The following PLCL1 variants were observed in gnomAD, a reference collection of about 807,000 sequenced individuals.
PLCL1 encodes the protein inactive phospholipase C-like protein 1.
PLCL1 carries 41 observed loss-of-function variants against 84.4 expected under a neutral mutation model. The observed-to-expected ratio is 0.49, with a 90% CI of 0.38 to 0.63. PLCL1 has a LOEUF of 0.63. Ranked by LOEUF, PLCL1 falls within the 30% of genes least tolerant of loss-of-function variation. The probability of loss-of-function intolerance (pLI) is 0.00; values close to 1 mark genes in which losing one functional copy is unlikely to be tolerated. For missense variants in PLCL1, 1,206 were observed against 1,367.8 expected (o/e 0.88, Z 1.87); for synonymous variants, 490 against 488.3 (o/e 1.00, Z -0.05).
intron 1 of PLCL1, among the ~76,000 whole-genome samples, chr2:198,007,188 A>G (rs1253443329): frequency 6.6e-6 from 1 of 152,238 alleles, no homozygotes; most frequent in Non-Finnish European, 1.5e-5. Context: ...AAGAAGCTAT[A>G]ATATGCACAA....
intron 1 of PLCL1, among the ~76,000 whole-genome samples, chr2:198,077,357 A>T (rs987358544): frequency 2.0e-5 from 3 of 151,850 alleles, no homozygotes; most frequent in African/African-American, 7.2e-5. Flanking sequence ...TAATAATTTA[A>T]AAAAAAAGGA....
chr2:198,091,271 A>G (rs1017465732), intron 3 of PLCL1, among the ~76,000 whole-genome samples: 1 of 152,096 alleles, frequency 6.6e-6, no homozygotes, highest in Non-Finnish European at 1.5e-5. Flanking sequence ...TTAAAACACC[A>G]TTTTTACTTT....
At chr2:197,842,623 C>T (rs1440456314) in intron 1 of PLCL1, among the ~76,000 whole-genome samples, 1 of 152,082 alleles carries the variant, frequency 6.6e-6, no homozygotes, top group Non-Finnish European at 1.5e-5. Flanking sequence ...TCTTACTGAA[C>T]CTGTACTTAA....
At chr2:198,120,181 A>C (rs2105926975) in intron 5 of PLCL1, among the ~76,000 whole-genome samples, 1 of 152,072 alleles carries the variant, frequency 6.6e-6, no homozygotes, top group East Asian at 1.9e-4. Flanking sequence ...TACTCTTAAA[A>C]AAAATAATTT....
chr2:198,060,972 C>T (rs1692183484), intron 1 of PLCL1, among the ~76,000 whole-genome samples: 1 of 152,080 alleles, frequency 6.6e-6, no homozygotes, highest in East Asian at 1.9e-4. Context: ...CCTAATAAGC[C>T]AGCAACTCTA....
intron 1 of PLCL1, among the ~76,000 whole-genome samples, chr2:197,927,683 G>A (rs911767117): frequency 2.6e-5 from 4 of 152,152 alleles, no homozygotes; most frequent in African/African-American, 9.7e-5. Flanking sequence ...CACTTGAAAG[G>A]ACTACTTGGG....
At chr2:198,105,541 T>C (rs749064442) in intron 5 of PLCL1, among the ~76,000 whole-genome samples, 7 of 151,684 alleles carry the variant, frequency 4.6e-5, no homozygotes, top group Non-Finnish European at 7.4e-5. Flanking sequence ...TTTGCCTTAA[T>C]AAGGCAATGA....
chr2:197,873,808 A>G (rs542438601), intron 1 of PLCL1, among the ~76,000 whole-genome samples: 33 of 152,300 alleles, frequency 2.2e-4, no homozygotes, highest in African/African-American at 7.7e-4. Flanking sequence ...GATTTTTGGC[A>G]CACCACAATC....
At chr2:197,903,180 A>G (rs771781321) in intron 1 of PLCL1, among the ~76,000 whole-genome samples, 3 of 152,196 alleles carry the variant, frequency 2.0e-5, no homozygotes, top group Non-Finnish European at 4.4e-5. Context: ...TAAGGATCAT[A>G]TAATAAATGT....
chr2:197,863,231 A>G (rs1039555260), intron 1 of PLCL1, among the ~76,000 whole-genome samples: 12 of 150,706 alleles, frequency 8.0e-5, no homozygotes, highest in African/African-American at 2.9e-4. Flanking sequence ...TTCTGATTTT[A>G]CAGATGGAAG....
chr2:198,112,407 T>C (rs954649133), intron 5 of PLCL1, among the ~76,000 whole-genome samples: 3 of 152,012 alleles, frequency 2.0e-5, no homozygotes, highest in South Asian at 2.1e-4. Flanking sequence ...TTGCTATTCA[T>C]TGGCTTTTAG....
chr2:197,962,463 TG>T (rs2105790625), intron 1 of PLCL1, among the ~76,000 whole-genome samples: 1 of 152,228 alleles, frequency 6.6e-6, no homozygotes, highest in East Asian at 1.9e-4. Flanking sequence ...TTTTAATTTT[TG>T]TGGGTACACA....
chr2:198,105,735 T>C (rs1250484182), intron 5 of PLCL1, among the ~76,000 whole-genome samples: 4 of 151,604 alleles, frequency 2.6e-5, no homozygotes, highest in Non-Finnish European at 5.9e-5. Flanking sequence ...CCAACACAAA[T>C]GATTTTGAAG....
chr2:197,956,957 G>A (rs1001775758), intron 1 of PLCL1, among the ~76,000 whole-genome samples: 1 of 151,982 alleles, frequency 6.6e-6, no homozygotes, highest in Non-Finnish European at 1.5e-5. Context: ...GGCTTCTGTT[G>A]CACTTGCTTT....
chr2:197,906,574 A>G (rs1487404043), intron 1 of PLCL1, among the ~76,000 whole-genome samples: 1 of 152,096 alleles, frequency 6.6e-6, no homozygotes, highest in African/African-American at 2.4e-5. Flanking sequence ...TTAAGTTTAA[A>G]CTAGTTTTTT....
intron 1 of PLCL1, among the ~76,000 whole-genome samples, chr2:197,894,991 C>G (rs1688106209): frequency 6.6e-6 from 1 of 151,950 alleles, no homozygotes; most frequent in Non-Finnish European, 1.5e-5. Flanking sequence ...GCTTGTTGAA[C>G]TTGGAAGCTG....
intron 3 of PLCL1, 32 bp from the exon 4 acceptor site, chr2:198,101,253 C>T (rs1348216980): frequency 7.3e-7 from 1 of 1,362,408 alleles, no homozygotes; most frequent in African/African-American, 1.5e-5. Context: ...AGGATTCTGA[C>T]AACCACCTTT....
At chr2:197,956,181 T>C (rs1689489714) in intron 1 of PLCL1, among the ~76,000 whole-genome samples, 1 of 152,226 alleles carries the variant, frequency 6.6e-6, no homozygotes, top group South Asian at 2.1e-4. Context: ...TAGTATTCCA[T>C]GGTGTATATG....
chr2:198,138,412 A>G (rs1377144384), intron 5 of PLCL1, among the ~76,000 whole-genome samples: 2 of 151,972 alleles, frequency 1.3e-5, no homozygotes, highest in Non-Finnish European at 2.9e-5. Context: ...TGATCCATTC[A>G]CCTCCCACCA....
Sources: gnomAD v4.1 joint callset for allele counts (sites outside exome capture counted in the v4.1 genomes callset) on GRCh38, gnomAD v4.1.1 for gene constraint, MANE v1.5 for transcripts, NCBI Gene and HGNC (gene_info 2026-07-23, HGNC 2026-07-21) for gene names.